SORCS1: variants seen among roughly 807,000 people sequenced by gnomAD.
SORCS1 encodes VPS10 domain-containing receptor SorCS1.
Under a neutral mutation model 146.1 loss-of-function variants are expected in SORCS1, and 60 were observed. That is an observed-to-expected ratio of 0.41 (90% CI 0.33 to 0.51). The LOEUF is 0.51. Ranked by LOEUF, SORCS1 falls within the 20% of genes least tolerant of loss-of-function variation. SORCS1 has a pLI of 0.21. For missense variants in SORCS1, 1,352 were observed against 1,487.6 expected (o/e 0.91, Z 1.50); for synonymous variants, 637 against 584.0 (o/e 1.09, Z -1.31).
chr10:106,959,949 A>T (rs1369267137), intron 1 of SORCS1, among the ~76,000 whole-genome samples: 1 of 152,192 alleles, frequency 6.6e-6, no homozygotes, highest in Non-Finnish European at 1.5e-5. Context: ...GTTCAATCAA[A>T]AAGCAAAGCT....
intron 5 of SORCS1, among the ~76,000 whole-genome samples, chr10:106,736,515 T>C (rs1160976814): frequency 6.9e-6 from 1 of 145,188 alleles, no homozygotes; most frequent in African/African-American, 2.6e-5. Context: ...TGACATACCT[T>C]GGTTTCCTCT....
At chr10:107,086,242 T>G (rs1171409870) in intron 1 of SORCS1, among the ~76,000 whole-genome samples, 1 of 152,136 alleles carries the variant, frequency 6.6e-6, no homozygotes, top group Non-Finnish European at 1.5e-5. Flanking sequence ...CTACAAAAAA[T>G]GTGAATATAC....
chr10:106,998,898 G>A (rs1326646319), intron 1 of SORCS1, among the ~76,000 whole-genome samples: 1 of 152,162 alleles, frequency 6.6e-6, no homozygotes, highest in East Asian at 1.9e-4. Flanking sequence ...GACAAGAAAT[G>A]AGCAATTAAG....
At chr10:106,671,497 A>C in intron 15 of SORCS1, 130 bp from the exon 16 acceptor site, 1 of 1,332,982 alleles carries the variant, frequency 7.5e-7, no homozygotes, top group Non-Finnish European at 1.0e-6. Context: ...TCTTTGTGCT[A>C]ACAACATTTT....
intron 1 of SORCS1, among the ~76,000 whole-genome samples, chr10:107,098,470 T>C (rs57228093): frequency 6.6e-6 from 1 of 152,174 alleles, no homozygotes; most frequent in African/African-American, 2.4e-5. Context: ...TTTGGTTTTT[T>C]CCACCATTCA....
intron 3 of SORCS1, among the ~76,000 whole-genome samples, chr10:106,799,156 CT>C (rs1186133504): frequency 6.6e-6 from 1 of 152,124 alleles, no homozygotes; most frequent in Non-Finnish European, 1.5e-5. Context: ...ATAAATGGTG[CT>C]GGGAAAACTG....
At chr10:106,684,362 CT>C (rs1169673862) in intron 10 of SORCS1, among the ~76,000 whole-genome samples, 1 of 152,082 alleles carries the variant, frequency 6.6e-6, no homozygotes, top group African/African-American at 2.4e-5. Context: ...GAAAAGAAAA[CT>C]GCCAGATGAA....
chr10:106,832,792 TG>T (rs1353975503), intron 2 of SORCS1, among the ~76,000 whole-genome samples: 1 of 151,954 alleles, frequency 6.6e-6, no homozygotes, highest in Non-Finnish European at 1.5e-5. Flanking sequence ...GACAAGAAAA[TG>T]GTTCAATTTT....
At chr10:106,717,119 C>G (rs1855431646) in intron 6 of SORCS1, among the ~76,000 whole-genome samples, 1 of 152,206 alleles carries the variant, frequency 6.6e-6, no homozygotes, top group Non-Finnish European at 1.5e-5. Flanking sequence ...TGAAACTCAC[C>G]TATTCCTCAT....
intron 1 of SORCS1, among the ~76,000 whole-genome samples, chr10:107,155,913 T>C (rs1369068627): frequency 5.3e-5 from 8 of 152,096 alleles, no homozygotes; most frequent in African/African-American, 1.9e-4. Context: ...CACTGTAGGG[T>C]CATTAGTCAG....
chr10:106,802,113 C>T (rs1409241361), intron 3 of SORCS1, among the ~76,000 whole-genome samples: 3 of 152,156 alleles, frequency 2.0e-5, no homozygotes, highest in Non-Finnish European at 1.5e-5. Flanking sequence ...AAGTACATGT[C>T]ATATCTTCTA....
chr10:106,756,601 T>G (rs1858661324), intron 5 of SORCS1, among the ~76,000 whole-genome samples: 1 of 152,152 alleles, frequency 6.6e-6, no homozygotes, highest in South Asian at 2.1e-4. Context: ...TTATGCTGTC[T>G]CTTACATGAT....
At chr10:107,006,442 A>G (rs1352474840) in intron 1 of SORCS1, among the ~76,000 whole-genome samples, 2 of 152,236 alleles carry the variant, frequency 1.3e-5, no homozygotes, top group Non-Finnish European at 2.9e-5. Flanking sequence ...AAAGAACCCC[A>G]GAAGGGTAAT....
intron 1 of SORCS1, among the ~76,000 whole-genome samples, chr10:107,013,652 C>G (rs537647174): frequency 6.6e-6 from 1 of 152,218 alleles, no homozygotes; most frequent in South Asian, 2.1e-4. Context: ...GCATCCAGAA[C>G]CACCTCAGCT....
chr10:106,629,461 G>GACAA, intron 18 of SORCS1, 73 bp from the exon 19 acceptor site: 2 of 1,498,168 alleles, frequency 1.3e-6, no homozygotes, highest in Non-Finnish European at 9.1e-7. Flanking sequence ...TGGGGACTAC[G>GACAA]GCTTGTCCTA....
intron 17 of SORCS1, among the ~76,000 whole-genome samples, chr10:106,666,293 C>T (rs1453656928): frequency 3.3e-5 from 5 of 152,218 alleles, no homozygotes; most frequent in Non-Finnish European, 7.3e-5. Context: ...TTCCTTCTGC[C>T]TGATGGCATT....
chr10:106,818,615 C>G (rs1047609616), intron 3 of SORCS1, among the ~76,000 whole-genome samples: 12 of 152,102 alleles, frequency 7.9e-5, no homozygotes, highest in Admixed American at 7.2e-4. Flanking sequence ...CCGCCTGCCT[C>G]GGCGGGATTA....
rs183697699 is a variant in SORCS1, at chr10:106,759,731, C to T, written c.959+1857G>A. 3.0e-3 allele frequency among the ~76,000 whole-genome samples: 461 copies of T among 152,276 alleles called. 4 individuals carry two copies. The highest frequency in any genetic ancestry group is 0.01 in the African/African-American group (431 of 41,566). On this transcript the variant is annotated intron_variant, in intron 5 of 25. Coordinates refer to ENST00000263054, the MANE Select transcript of SORCS1 (RefSeq NM_052918.5). ...GGAATGCTATTTCCTTTGTCCCTTT[C>T]TTTCTCTTGCTGCCCCCTTCTCTCT...
Position 107,058,461 on chromosome 10 carries a change from C to T in SORCS1, c.559-101881G>A, listed in dbSNP as rs574539539. Among the ~76,000 whole-genome samples the T allele has an allele frequency of 3.9e-5, 6 of 152,238 alleles. No individual in the cohort carries two copies. The South Asian group carries it at 8.3e-4, about 21-fold the overall frequency. ...GGATTGTCATTCAAAAAACCTAGAACGTGTTAGTATATTATTAACAAAGAA... is the reference window on the plus strand; with the variant it reads ...GGATTGTCATTCAAAAAACCTAGAATGTGTTAGTATATTATTAACAAAGAA... On this transcript the variant is annotated intron_variant, in intron 1 of 25. Coordinates refer to ENST00000263054, the MANE Select transcript of SORCS1 (RefSeq NM_052918.5).
Sources: allele counts gnomAD v4.1 joint callset (sites outside exome capture counted in the v4.1 genomes callset), GRCh38; gene constraint gnomAD v4.1.1; transcripts MANE v1.5; gene names NCBI Gene and HGNC (gene_info 2026-07-23, HGNC 2026-07-21).